The following LRBA variants were observed in gnomAD, a reference collection of about 807,000 sequenced individuals.
LRBA encodes LPS responsive beige-like anchor protein.
LRBA carries 176 observed loss-of-function variants against 330.0 expected under a neutral mutation model. The observed-to-expected ratio is 0.53, with a 90% confidence interval of 0.47 to 0.60. LRBA has a LOEUF of 0.60. Ranked by LOEUF, LRBA falls within the 20% of genes least tolerant of loss-of-function variation. The pLI is 0.00. For synonymous variants in LRBA, 1,230 were observed against 1,193.0 expected (o/e 1.03, Z -0.64); for missense variants, 3,259 against 3,444.8 (o/e 0.95, Z 1.35).
intron 37 of LRBA, among the ~76,000 whole-genome samples, chr4:150,629,516 G>A (rs28540258): frequency 0.068 from 10,275 of 151,998 alleles, 591 homozygotes; most frequent in East Asian, 0.18. Context: ...GCACATGCCT[G>A]TAGTCCCAGC....
rs529882520 is a variant in LRBA at position 150,813,963 on chromosome 4, T to A, written c.5305+3161A>T. Among the ~76,000 whole-genome samples the A allele has an allele frequency of 8.5e-4, 130 of 152,214 alleles. 1 individual carries two copies. The highest frequency in any genetic ancestry group is 3.1e-3 in the African/African-American group (127 of 41,552). Reference sequence around the variant, plus strand: ...AATGGTTTATCATGATGTAACCCCATCATAAGTCAAGGAGCATCTATATTC... The same window carrying A: ...AATGGTTTATCATGATGTAACCCCAACATAAGTCAAGGAGCATCTATATTC... On this transcript the variant is annotated intron_variant, in intron 31 of 56. Coordinates refer to ENST00000651943, the MANE Select transcript of LRBA (RefSeq NM_001364905.1).
At chr4:150,517,883 C>T (rs374623888) in intron 40 of LRBA, among the ~76,000 whole-genome samples, 1 of 152,228 alleles carries the variant, frequency 6.6e-6, no homozygotes, top group South Asian at 2.1e-4. Flanking sequence ...TCAGACTTTC[C>T]GCCCACAAAT....
chr4:150,777,648 A>C (rs1737576934), intron 34 of LRBA, among the ~76,000 whole-genome samples: 1 of 152,058 alleles, frequency 6.6e-6, no homozygotes, highest in Non-Finnish European at 1.5e-5. Flanking sequence ...TTAACACAAA[A>C]CTGAGAAACA....
chr4:150,471,703 C>T lies in LRBA; in HGVS notation c.6588G>A (p.Lys2196=). 6.2e-7 allele frequency: 1 copy of T among 1,606,478 alleles called. No homozygotes were observed. Among genetic ancestry groups the T allele is most frequent in the East Asian group, 2.2e-5 (1 of 44,554 alleles). Residue 2196 remains lysine, a synonymous_variant, in exon 43 of 57, where the codon AAG becomes AAA. Transcript: ENST00000651943. The part of the protein sequence containing the change: ...ISLASPRQLF[K]ASNMTQRWQH... ...GCCATCGCTGGGTCATATTAGAAGC[C>T]TTAAAAAGCTGACGTGGACTAGCTA...
chr4:150,828,444 G>C lies in LRBA; in HGVS notation c.4907C>G (p.Ala1636Gly), dbSNP rs1315950546. Residue 1636 changes from alanine to glycine, a missense_variant, in exon 30 of 57, where the codon GCA becomes GGA. Ala to Gly is a moderately conservative substitution (Grantham distance 60, BLOSUM62 0). Coordinates refer to ENST00000651943, the MANE Select transcript of LRBA (RefSeq NM_001364905.1). ...AAGAGTAGATAGCACCTCGCTGATTGCATCTGGGCCTGCACTGACACCAGG... is the reference window on the plus strand; with the variant it reads ...AAGAGTAGATAGCACCTCGCTGATTCCATCTGGGCCTGCACTGACACCAGG... ...APPGVSAGPD[A>G]ISEVLSTLSL... is the part of the protein sequence containing the mutation. 1.9e-6 allele frequency: 3 copies of C among 1,614,124 alleles called. No individual in the cohort carries two copies. Among genetic ancestry groups the C allele is most frequent in the East Asian group, 4.5e-5 (2 of 44,880 alleles).
At chr4:150,389,695 AAAG>A (rs1463244040) in intron 47 of LRBA, among the ~76,000 whole-genome samples, 1 of 150,822 alleles carries the variant, frequency 6.6e-6, no homozygotes, top group Non-Finnish European at 1.5e-5. Flanking sequence ...AAAAAAAAAA[AAAG>A]AAAGGAATCA....
chr4:150,755,348 C>T (rs1322496201), intron 35 of LRBA, among the ~76,000 whole-genome samples: 2 of 152,182 alleles, frequency 1.3e-5, no homozygotes, highest in East Asian at 3.8e-4. Flanking sequence ...GATGATTAAG[C>T]AACGTGCCCA....
chr4:150,648,001 G>A (rs1214240806), intron 37 of LRBA, among the ~76,000 whole-genome samples: 1 of 151,064 alleles, frequency 6.6e-6, no homozygotes, highest in Admixed American at 6.6e-5. Flanking sequence ...GTAATTCAAT[G>A]TTCTGAGAAT....
chr4:150,572,189 T>A (rs929897436), intron 40 of LRBA, among the ~76,000 whole-genome samples: 1 of 152,228 alleles, frequency 6.6e-6, no homozygotes, highest in South Asian at 2.1e-4. Flanking sequence ...GTACAATTCA[T>A]CAAACTTTAG....
At chr4:150,977,225 G>T (rs1470248241) in intron 2 of LRBA, among the ~76,000 whole-genome samples, 1 of 152,228 alleles carries the variant, frequency 6.6e-6, no homozygotes. Context: ...ATCAGCTTGA[G>T]GAGAGGAGAG....
intron 34 of LRBA, among the ~76,000 whole-genome samples, chr4:150,767,566 T>G (rs898985882): frequency 6.6e-6 from 1 of 152,008 alleles, no homozygotes; most frequent in Non-Finnish European, 1.5e-5. Flanking sequence ...GAGACCATCC[T>G]GGCCAACACG....
At chr4:150,425,050 T>C (rs1264782094) in intron 46 of LRBA, among the ~76,000 whole-genome samples, 2 of 152,200 alleles carry the variant, frequency 1.3e-5, no homozygotes, top group East Asian at 3.8e-4. Context: ...GCATTTAAGT[T>C]ATACAGTAGA....
At chr4:150,666,822 C>T (rs1318784551) in intron 37 of LRBA, among the ~76,000 whole-genome samples, 2 of 152,076 alleles carry the variant, frequency 1.3e-5, no homozygotes, top group Admixed American at 6.6e-5. Context: ...TTAGTCACAT[C>T]CATTAAGTTT....
chr4:150,448,845 G>C (rs1266061594), intron 44 of LRBA, among the ~76,000 whole-genome samples: 1 of 123,190 alleles, frequency 8.1e-6, no homozygotes, highest in African/African-American at 3.1e-5. Context: ...GGGCAGGAAA[G>C]AAGAATCTGC....
At chr4:150,446,960 A>G (rs777870879) in intron 44 of LRBA, among the ~76,000 whole-genome samples, 86 of 152,200 alleles carry the variant, frequency 5.7e-4, no homozygotes, top group Middle Eastern at 6.3e-3. Flanking sequence ...GGTTAAATTT[A>G]GTCATTTAAT....
intron 34 of LRBA, among the ~76,000 whole-genome samples, chr4:150,791,036 T>TA (rs1739832439): frequency 6.6e-6 from 1 of 152,238 alleles, no homozygotes; most frequent in South Asian, 2.1e-4. Context: ...AAGAAGGAAT[T>TA]AAAAATTCCT....
chr4:150,433,061 A>C (rs187251947), intron 46 of LRBA, among the ~76,000 whole-genome samples: 95 of 152,274 alleles, frequency 6.2e-4, no homozygotes, highest in African/African-American at 2.2e-3. Flanking sequence ...TTGGTGGAAA[A>C]ATATCAGTAG....
chr4:150,712,686 A>G (rs1332834034), intron 36 of LRBA, among the ~76,000 whole-genome samples: 1 of 152,196 alleles, frequency 6.6e-6, no homozygotes. Flanking sequence ...CTGCCAAAAA[A>G]TTACGCTACG....
At chr4:150,714,822 T>C (rs770591119) in intron 36 of LRBA, among the ~76,000 whole-genome samples, 1 of 152,192 alleles carries the variant, frequency 6.6e-6, no homozygotes, top group Non-Finnish European at 1.5e-5. Context: ...ATTGCTAATA[T>C]AGTGAGTTCA....
Sources: gnomAD v4.1 joint callset for allele counts (sites outside exome capture counted in the v4.1 genomes callset) on GRCh38, gnomAD v4.1.1 for gene constraint, MANE v1.5 for transcripts, NCBI Gene and HGNC (gene_info 2026-07-23, HGNC 2026-07-21) for gene names.